ZNF335: variants seen among roughly 807,000 people sequenced by gnomAD.
The protein encoded by ZNF335 is NRC-interacting factor 1.
A neutral mutation model predicts 145.6 loss-of-function variants in ZNF335; 84 were observed. That is an observed-to-expected ratio of 0.58 (90% CI 0.48 to 0.69). The LOEUF (loss-of-function observed/expected upper bound fraction) is 0.69. ZNF335 is among the 30% of genes least tolerant of loss of function. The probability of loss-of-function intolerance (pLI) is 0.00; values close to 1 mark genes in which losing one functional copy is unlikely to be tolerated. For missense variants in ZNF335, 1,865 were observed against 1,809.7 expected (o/e 1.03, Z -0.55); for synonymous variants, 761 against 717.0 (o/e 1.06, Z -0.98).
In ZNF335 at chr20:45,948,958, C is replaced by T. The variant is rs1026476021; in HGVS notation, c.4024G>A (p.Asp1342Asn). ...IEYDVITLAD[D>N] ...CTGTGTTGGGCCCTCGGGGCTCAGT[C>T]ATCGGCCAGGGTGATGACGTCGTAC... Residue 1342 changes from aspartate to asparagine, a missense_variant, in exon 28 of 28, where the codon GAC (aspartate) becomes AAC (asparagine). Physicochemically the swap from Asp to Asn is conservative, Grantham distance 23. Coordinates refer to ENST00000322927, the MANE Select transcript of ZNF335 (RefSeq NM_022095.4). 5 of 1,613,756 alleles carry T rather than the reference C, an allele frequency of 3.1e-6. No homozygotes were observed. The African/African-American group carries it at 4.0e-5, about 13-fold the overall frequency.
Position 45,971,231 on chromosome 20 carries a change from CGAGCTTTGCCCCACGCCA to C in ZNF335, c.162_179del (p.Gly55_Ser60del), listed in dbSNP as rs1166385201. The C allele has an allele frequency of 6.5e-7, 1 of 1,546,322 alleles. No homozygotes were observed. Among genetic ancestry groups the C allele is most frequent in the Admixed American group, 1.9e-5 (1 of 51,692 alleles). On this transcript the variant is annotated inframe_deletion, in exon 2 of 28. Transcript: ENST00000322927. ...ATACCTGAGAACGGCTGCCGCGGTC[CGAGCTTTGCCCCACGCCA>C]GAGTCATCGGCCTCTGCCTGCCCCG...
At chr20:45,960,580 G>A in intron 12 of ZNF335, 36 bp downstream of exon 12, 1 of 1,613,816 alleles carries the variant, frequency 6.2e-7, no homozygotes. Flanking sequence ...CCCAGGGGAG[G>A]CCCTCCTCTC....
At position 45,968,025 on chromosome 20, in the gene ZNF335, C is replaced by A. The variant is rs1013599013; in HGVS notation, c.523G>T (p.Ala175Ser). 6.2e-7 allele frequency: 1 copy of A among 1,612,388 alleles called. No individual in the cohort carries two copies. Among genetic ancestry groups the A allele is most frequent in the East Asian group, 2.2e-5 (1 of 44,876 alleles). Residue 175 changes from alanine (A) to serine (S), a missense_variant and splice_region_variant, in exon 5 of 28, where the codon GCC (alanine) becomes TCC (serine). By Grantham distance (99) the Ala-to-Ser change is moderately conservative (BLOSUM62 1). Coordinates refer to ENST00000322927, the MANE Select transcript of ZNF335 (RefSeq NM_022095.4). ...CTGGACATTGGTGATGTCATGGGGGCTCCTGGGGATGGGTGAGGCAATTGG... is the reference window on the plus strand; with the variant it reads ...CTGGACATTGGTGATGTCATGGGGGATCCTGGGGATGGGTGAGGCAATTGG... ...YLILQGPDDG[A>S]PMTSPMSSST...
intron 14 of ZNF335, 72 bp from the exon 15 acceptor site, chr20:45,959,505 A>C: frequency 8.5e-7 from 1 of 1,179,826 alleles, no homozygotes; most frequent in Non-Finnish European, 1.1e-6. Flanking sequence ...TCCTTTCTTG[A>C]CCCTAAGGAT....
chr20:45,963,799 C>A lies in ZNF335; in HGVS notation c.1294G>T (p.Asp432Tyr), dbSNP rs748472913. Residue 432 changes from aspartate to tyrosine, a missense_variant, in exon 8 of 28, where the codon GAC becomes TAC. Transcript: ENST00000322927. ...NAAPSCPDEH[D>Y]TLPRRRGRPS... ...CGACCTCGGCGCCGGGGCAGAGTGT[C>A]ATGCTCATCCGGGCAGGAGGGGGCT... 7 of 1,614,176 alleles carry A rather than the reference C, an allele frequency of 4.3e-6. No homozygotes were observed. Among genetic ancestry groups the A allele is most frequent in the Non-Finnish European group, 5.9e-6 (7 of 1,180,018 alleles).
Position 45,972,156 on chromosome 20 carries a change from C to G in ZNF335, c.-85G>C, listed in dbSNP as rs1359328724. The G allele has an allele frequency of 7.8e-7, 1 of 1,289,304 alleles. No homozygotes were observed. The highest frequency in any genetic ancestry group is 1.5e-5 in the African/African-American group (1 of 65,834). 79.9% of individuals were successfully genotyped at this position (1,289,304 alleles called of 1,614,324 possible). A position where few individuals can be genotyped will look rare whatever the true frequency, so the allele number is the denominator to read the frequency against. On this transcript the variant is annotated 5_prime_UTR_variant, in exon 1 of 28. Coordinates refer to ENST00000322927, the MANE Select transcript of ZNF335 (RefSeq NM_022095.4). ...TCGTAGCCACGTTCCTCTCTGACTC[C>G]GGCATCGACGAGGTCGCCATCCTCT...
chr20:45,967,865 G>C lies in ZNF335; in HGVS notation c.683C>G (p.Pro228Arg), dbSNP rs775817481. Residue 228 changes from proline (P) to arginine (R), a missense_variant, in exon 5 of 28, where the codon CCG becomes CGG. Coordinates refer to ENST00000322927, the MANE Select transcript of ZNF335 (RefSeq NM_022095.4). ...CATGGCCTCCAGGCTCTGCAGGTCC[G>C]GCTCTTCGGCACCGGAGGCTGGGGG... ...QLPPASGAEEPDLQSLEAMME... is the reference protein window; with the variant it reads ...QLPPASGAEERDLQSLEAMME... 1.2e-6 allele frequency: 2 copies of C among 1,613,310 alleles called. No homozygotes were observed. The highest frequency in any genetic ancestry group is 1.3e-5 in the African/African-American group (1 of 75,040).
chr20:45,949,908 T>C (rs768670756), intron 23 of ZNF335, 31 bp from the exon 24 acceptor site: 1 of 1,614,058 alleles, frequency 6.2e-7, no homozygotes, highest in Non-Finnish European at 8.5e-7. Flanking sequence ...CTAGCCTCAT[T>C]TCTCTACCCC....
Position 45,960,479 on chromosome 20 carries a change from A to T in ZNF335, c.1829T>A (p.Leu610His). 6.2e-7 allele frequency: 1 copy of T among 1,614,200 alleles called. No homozygotes were observed. The highest frequency in any genetic ancestry group is 8.5e-7 in the Non-Finnish European group (1 of 1,180,036). Reference sequence around the variant, plus strand: ...GTTGGCAACAGCCTGGATGTGCGTGAGCAGGTGCATTTTGAAGGTGTAGCG... The same window carrying T: ...GTTGGCAACAGCCTGGATGTGCGTGTGCAGGTGCATTTTGAAGGTGTAGCG... ...KKRYTFKMHL[L>H]THIQAVANRR... Residue 610 changes from leucine (L) to histidine (H), a missense_variant, in exon 13 of 28, where the codon CTC becomes CAC. By Grantham distance (99) the Leu-to-His change is moderately conservative (BLOSUM62 -3). Coordinates refer to ENST00000322927, the MANE Select transcript of ZNF335 (RefSeq NM_022095.4).
chr20:45,967,280 G>C, intron 6 of ZNF335: 6 of 649,694 alleles, frequency 9.2e-6, no homozygotes, highest in Non-Finnish European at 1.6e-5. Flanking sequence ...TGGGGCAAAT[G>C]TGAACAGGGC....
chr20:45,962,576 A>C (rs1185690405), intron 9 of ZNF335, among the ~76,000 whole-genome samples: 1 of 152,100 alleles, frequency 6.6e-6, no homozygotes, highest in African/African-American at 2.4e-5. Flanking sequence ...CACAGAGCAC[A>C]GGGGCTCGCT....
At chr20:45,970,432 G>C (rs571468141) in intron 2 of ZNF335, among the ~76,000 whole-genome samples, 1 of 152,358 alleles carries the variant, frequency 6.6e-6, no homozygotes, top group Admixed American at 6.5e-5. Context: ...GCTGAGCACT[G>C]TTTTAATTAT....
chr20:45,959,147 G>C (rs534120492), intron 15 of ZNF335, 54 bp downstream of exon 15: 16 of 1,284,620 alleles, frequency 1.2e-5, no homozygotes, highest in Non-Finnish European at 1.6e-5. Context: ...AAATGATGCT[G>C]GGGCTGGGAG....
intron 20 of ZNF335, among the ~76,000 whole-genome samples, chr20:45,951,144 G>A (rs562959208): frequency 5.3e-5 from 8 of 152,312 alleles, no homozygotes; most frequent in African/African-American, 1.2e-4. Flanking sequence ...CGCCTGCCTC[G>A]GCCTCCCAAA....
intron 20 of ZNF335, among the ~76,000 whole-genome samples, chr20:45,951,623 C>A (rs745441956): frequency 1.3e-5 from 2 of 152,220 alleles, no homozygotes; most frequent in Non-Finnish European, 2.9e-5. Context: ...CACAATGGGG[C>A]TGTGCTCCTG....
chr20:45,971,741 G>T, intron 1 of ZNF335: 1 of 985,470 alleles, frequency 1.0e-6, no homozygotes, highest in South Asian at 4.7e-5. Flanking sequence ...CGCTCTGTGA[G>T]CCCCATCCGG....
At chr20:45,950,181 A>T in intron 22 of ZNF335, 38 bp downstream of exon 22, 1 of 1,564,966 alleles carries the variant, frequency 6.4e-7, no homozygotes, top group Non-Finnish European at 8.7e-7. Flanking sequence ...CTCTGGATCT[A>T]CCCTGTTGCC....
At position 45,949,469 on chromosome 20, in the gene ZNF335, C is replaced by T. The variant is rs375133385; in HGVS notation, c.3753+16G>A. 7.4e-6 allele frequency: 12 copies of T among 1,613,892 alleles called. No homozygotes were observed. Among genetic ancestry groups the T allele is most frequent in the Non-Finnish European group, 6.8e-6 (8 of 1,179,956 alleles). ...GCCCTTCACCACACAGCACCCTCATCCCAGGTCTGGCCTACCTGGATGTGA... is the reference window on the plus strand; with the variant it reads ...GCCCTTCACCACACAGCACCCTCATTCCAGGTCTGGCCTACCTGGATGTGA... On this transcript the variant is annotated intron_variant, in intron 25 of 27. Transcript: ENST00000322927.
At chr20:45,958,427 G>C (rs1033361219) in intron 15 of ZNF335, among the ~76,000 whole-genome samples, 4 of 152,220 alleles carry the variant, frequency 2.6e-5, no homozygotes, top group Non-Finnish European at 5.9e-5. Flanking sequence ...GGCTGGCCAA[G>C]AATCCCACTC....
Sources: gnomAD v4.1 joint callset for allele counts (sites outside exome capture counted in the v4.1 genomes callset) on GRCh38, gnomAD v4.1.1 for gene constraint, MANE v1.5 for transcripts, NCBI Gene and HGNC (gene_info 2026-07-23, HGNC 2026-07-21) for gene names.